The following POC1A variants were observed in gnomAD, a reference collection of about 807,000 sequenced individuals.
POC1A encodes the protein POC1 centriolar protein homolog A.
POC1A carries 34 observed loss-of-function variants against 47.8 expected under a neutral mutation model. That is an observed-to-expected ratio of 0.71 (90% CI 0.54 to 0.95). POC1A has a LOEUF of 0.95. Ranked by LOEUF, POC1A falls within the 40% of genes least tolerant of loss-of-function variation. The probability of loss-of-function intolerance (pLI) is 0.00; values close to 1 mark genes in which losing one functional copy is unlikely to be tolerated. For synonymous variants in POC1A, 177 were observed against 207.6 expected (o/e 0.85, Z 1.27); for missense variants, 466 against 528.3 (o/e 0.88, Z 1.16).
At chr3:52,115,261 G>A (rs964129840) in intron 9 of POC1A, among the ~76,000 whole-genome samples, 2 of 152,048 alleles carry the variant, frequency 1.3e-5, no homozygotes, top group Admixed American at 6.6e-5. Flanking sequence ...GATTACAGGC[G>A]TGAGTCACTG....
chr3:52,096,855 G>A, intron 9 of POC1A, 143 bp from the exon 10 acceptor site: 1 of 708,554 alleles, frequency 1.4e-6, no homozygotes. Context: ...AGAAACAGCA[G>A]CGTGGCGGTG....
At chr3:52,129,312 C>T (rs770633907) in intron 7 of POC1A, among the ~76,000 whole-genome samples, 1 of 152,124 alleles carries the variant, frequency 6.6e-6, no homozygotes, top group Non-Finnish European at 1.5e-5. Flanking sequence ...GTTTCCAAAC[C>T]ATAGGTGCTT....
At chr3:52,081,170 G>A (rs918350946) in intron 10 of POC1A, among the ~76,000 whole-genome samples, 1 of 152,196 alleles carries the variant, frequency 6.6e-6, no homozygotes, top group Non-Finnish European at 1.5e-5. Flanking sequence ...TAGACCAAGG[G>A]TTAGCAAACT....
intron 9 of POC1A, among the ~76,000 whole-genome samples, chr3:52,106,011 G>A (rs1343841955): frequency 9.2e-5 from 14 of 151,950 alleles, no homozygotes; most frequent in Admixed American, 7.9e-4. Flanking sequence ...TGGCTAACAC[G>A]GTGAAACCCC....
chr3:52,135,181 T>C (rs1011145549), intron 7 of POC1A, among the ~76,000 whole-genome samples: 6 of 152,114 alleles, frequency 3.9e-5, no homozygotes, highest in South Asian at 2.1e-4. Flanking sequence ...TCGGAACCAG[T>C]TGGGTGACAA....
intron 10 of POC1A, among the ~76,000 whole-genome samples, chr3:52,096,155 G>A (rs1402611656): frequency 6.6e-6 from 1 of 152,260 alleles, no homozygotes; most frequent in African/African-American, 2.4e-5. Context: ...GTTGCACAGA[G>A]GATAAGGAAA....
rs144736305 is a variant in POC1A, at chr3:52,086,989, C to T, written c.1125+9580G>A. ...GGTCCGGTGCCTGCCAGCCCAGGTCCCCCAGGCCAAAGGGCAGGTCTAATC... is the reference window on the plus strand; with the variant it reads ...GGTCCGGTGCCTGCCAGCCCAGGTCTCCCAGGCCAAAGGGCAGGTCTAATC... On this transcript the variant is annotated intron_variant, in intron 10 of 10. Transcript: ENST00000296484. Among the ~76,000 whole-genome samples the T allele has an allele frequency of 2.6e-3, 394 of 152,306 alleles. 7 individuals are homozygous for T. Among genetic ancestry groups the T allele is most frequent in the South Asian group, 0.024 (115 of 4,822 alleles).
At chr3:52,144,342 C>T (rs1161907271) in intron 6 of POC1A, among the ~76,000 whole-genome samples, 7 of 152,212 alleles carry the variant, frequency 4.6e-5, no homozygotes. Context: ...CAAGTGGAGG[C>T]AAGCCCCACT....
intron 7 of POC1A, among the ~76,000 whole-genome samples, chr3:52,127,992 G>C (rs937789864): frequency 1.1e-4 from 16 of 152,052 alleles, no homozygotes; most frequent in African/African-American, 3.9e-4. Context: ...CACCGCACCT[G>C]GCCTACTTTG....
chr3:52,138,372 A>C, intron 6 of POC1A, 70 bp from the exon 7 acceptor site: 5 of 1,502,196 alleles, frequency 3.3e-6, no homozygotes, highest in Middle Eastern at 1.7e-4. Context: ...CAAGACGGGC[A>C]ATCAGGGCCA....
In POC1A at chr3:52,151,011, CT is replaced by C; in HGVS notation, c.103+4del. 6.2e-7 allele frequency: 1 copy of C among 1,613,732 alleles called. No individual in the cohort carries two copies. Among genetic ancestry groups the C allele is most frequent in the South Asian group, 1.1e-5 (1 of 91,064 alleles). ...CTAGCACCTAGACAGGGTGCCTCTT[CT>C]TACCCAGCTGCTTTGTGTTGATACT... On this transcript the variant is annotated splice_donor_region_variant and intron_variant, in intron 2 of 10. Coordinates refer to ENST00000296484, the MANE Select transcript of POC1A (RefSeq NM_015426.5).
Position 52,125,128 on chromosome 3 carries a change from T to C in POC1A, c.867A>G (p.Gly289=), listed in dbSNP as rs761251737. ...CTTTACTTACTTGTTCATCAGAGCC[T>C]CCAGAAGCAAAATACTCCCCCGTTC... ...FSRTGEYFAS[G]GSDEQVMVWK... Residue 289 remains glycine, a synonymous_variant, in exon 8 of 11, where the codon GGA becomes GGG. Transcript: ENST00000296484. 2.5e-6 allele frequency: 4 copies of C among 1,613,212 alleles called. No individual in the cohort carries two copies. The highest frequency in any genetic ancestry group is 1.7e-5 in the Admixed American group (1 of 60,000).
At chr3:52,146,112 T>C (rs1577920991) in intron 5 of POC1A, 151 bp from the exon 6 acceptor site, 2 of 606,152 alleles carry the variant, frequency 3.3e-6, no homozygotes, top group Non-Finnish European at 6.0e-6. Context: ...GTTTACCAGG[T>C]GGCCAAGGGA....
rs1431242127 is a variant in POC1A at position 52,145,935 on chromosome 3, G to A, written c.590C>T (p.Pro197Leu). 54 of 1,613,246 alleles carry A rather than the reference G, an allele frequency of 3.3e-5. No individual in the cohort carries two copies. The highest frequency in any genetic ancestry group is 4.5e-5 in the Non-Finnish European group (53 of 1,179,404). Residue 197 changes from proline to leucine, a missense_variant, in exon 6 of 11, where the codon CCC (proline) becomes CTC (leucine). By Grantham distance (98) the Pro-to-Leu change is moderately conservative (BLOSUM62 -3). Transcript: ENST00000296484. ...GGFVTYVDFHPSGTCIAAAGM... is the reference protein window; with the variant it reads ...GGFVTYVDFHLSGTCIAAAGM... The stretch of plus-strand genomic sequence containing the variant: ...GGCAGCGGCAATGCACGTCCCACTG[G>A]GGTGGAAGTCCACATAGGTGACAAA...
At chr3:52,110,506 A>G (rs1274447421) in intron 9 of POC1A, among the ~76,000 whole-genome samples, 1 of 152,244 alleles carries the variant, frequency 6.6e-6, no homozygotes, top group Admixed American at 6.5e-5. Flanking sequence ...TAGAATGAAA[A>G]CAAAAGAACA....
chr3:52,119,072 ACTT>A (rs1233947362), intron 9 of POC1A, among the ~76,000 whole-genome samples: 1 of 151,888 alleles, frequency 6.6e-6, no homozygotes. Flanking sequence ...CTACAAAATG[ACTT>A]CTGTTAGAAA....
chr3:52,123,152 C>A (rs1404645505), intron 8 of POC1A, among the ~76,000 whole-genome samples: 1 of 152,200 alleles, frequency 6.6e-6, no homozygotes, highest in Non-Finnish European at 1.5e-5. Flanking sequence ...TGGACACGGG[C>A]ACACAGGAAG....
At chr3:52,116,348 T>C (rs1432859084) in intron 9 of POC1A, among the ~76,000 whole-genome samples, 1 of 152,154 alleles carries the variant, frequency 6.6e-6, no homozygotes, top group Non-Finnish European at 1.5e-5. Context: ...GAAGAAGAAA[T>C]AGACCATCCT....
intron 6 of POC1A, among the ~76,000 whole-genome samples, chr3:52,144,825 A>G (rs1018844827): frequency 2.0e-5 from 3 of 152,146 alleles, no homozygotes; most frequent in Admixed American, 2.0e-4. Flanking sequence ...ACCCCAAAGA[A>G]AGTGCTGTAC....
Sources: allele counts gnomAD v4.1 joint callset (sites outside exome capture counted in the v4.1 genomes callset), GRCh38; gene constraint gnomAD v4.1.1; transcripts MANE v1.5; gene names NCBI Gene and HGNC (gene_info 2026-07-23, HGNC 2026-07-21).